The following RTN4RL1 variants were observed in gnomAD, a reference collection of about 807,000 sequenced individuals.
RTN4RL1 encodes the protein reticulon 4 receptor like 1, also known as reticulon-4 receptor-like 1.
A neutral mutation model predicts 25.6 loss-of-function variants in RTN4RL1; 7 were observed. The ratio of observed to expected loss-of-function variants is 0.27; its 90% CI spans 0.16 to 0.51. The LOEUF is 0.51. Among genes scored for constraint, RTN4RL1 ranks in the 20% least tolerant of loss-of-function variants. The pLI, the probability that RTN4RL1 is intolerant of heterozygous loss-of-function variation, is 0.97. For synonymous variants in RTN4RL1, 297 were observed against 288.2 expected, an observed-to-expected ratio of 1.03 and a Z score of -0.31; for missense variants, 500 against 615.6, an observed-to-expected ratio of 0.81 and a Z score of 1.99.
intron 1 of RTN4RL1, among the ~76,000 whole-genome samples, chr17:2,012,006 C>G (rs557472203): frequency 9.9e-5 from 15 of 152,124 alleles, no homozygotes; most frequent in Admixed American, 3.3e-4. Flanking sequence ...TTCAAAGTAA[C>G]GAGTCAATTT....
chr17:2,016,538 G>A (rs992931346), intron 1 of RTN4RL1, among the ~76,000 whole-genome samples: 4 of 152,214 alleles, frequency 2.6e-5, no homozygotes, highest in African/African-American at 7.2e-5. Flanking sequence ...TGCCAGCTCC[G>A]TTGGTCTTTC....
chr17:1,996,903 T>C (rs185465083), intron 1 of RTN4RL1, among the ~76,000 whole-genome samples: 2 of 152,334 alleles, frequency 1.3e-5, no homozygotes, highest in African/African-American at 4.8e-5. Flanking sequence ...AGGAGCAGGC[T>C]ATTCCTGGTT....
At chr17:2,023,130 T>TATCC (rs1394577555) in intron 1 of RTN4RL1, among the ~76,000 whole-genome samples, 1 of 152,148 alleles carries the variant, frequency 6.6e-6, no homozygotes, top group Non-Finnish European at 1.5e-5. Context: ...TCCTCTCCAT[T>TATCC]ATCCCTATCA....
At chr17:1,942,767 C>A (rs959940348) in intron 1 of RTN4RL1, among the ~76,000 whole-genome samples, 1 of 152,128 alleles carries the variant, frequency 6.6e-6, no homozygotes, top group Non-Finnish European at 1.5e-5. Flanking sequence ...CTACCCGGTC[C>A]GCTCAGCAGC....
intron 1 of RTN4RL1, among the ~76,000 whole-genome samples, chr17:1,961,501 G>A (rs892119037): frequency 2.0e-5 from 3 of 152,120 alleles, no homozygotes; most frequent in African/African-American, 7.2e-5. Context: ...TTTAACACAG[G>A]TCTGGGAGTT....
At chr17:1,949,123 A>T (rs1230698891) in intron 1 of RTN4RL1, among the ~76,000 whole-genome samples, 1 of 147,702 alleles carries the variant, frequency 6.8e-6, no homozygotes, top group Non-Finnish European at 1.5e-5. Context: ...CACCTGGCTA[A>T]TTTTTTTTTT....
At chr17:2,009,653 A>C (rs1451226229) in intron 1 of RTN4RL1, among the ~76,000 whole-genome samples, 1 of 125,046 alleles carries the variant, frequency 8.0e-6, no homozygotes, top group Non-Finnish European at 1.7e-5. Flanking sequence ...CTCAAACTGC[A>C]GCCTGGGCCA....
intron 1 of RTN4RL1, among the ~76,000 whole-genome samples, chr17:1,980,336 G>A (rs569574400): frequency 3.1e-4 from 47 of 149,926 alleles, no homozygotes; most frequent in Non-Finnish European, 6.2e-4. Context: ...CTCCCAAACC[G>A]CTAAGATTAC....
intron 1 of RTN4RL1, among the ~76,000 whole-genome samples, chr17:1,939,277 C>A (rs1181533146): frequency 1.3e-5 from 2 of 150,650 alleles, no homozygotes; most frequent in African/African-American, 4.9e-5. Flanking sequence ...AGCGTGAACC[C>A]GGGAGGTGGA....
Position 1,994,316 on chromosome 17 carries a change from T to A in RTN4RL1, c.13+30537A>T, listed in dbSNP as rs535665027. Reference sequence around the variant, plus strand: ...CAGGGACAGGGGGCCAGCAACTAGATGCCTTGGGGGCACAGCCATGTCTCC... The same window carrying A: ...CAGGGACAGGGGGCCAGCAACTAGAAGCCTTGGGGGCACAGCCATGTCTCC... On this transcript the variant is annotated intron_variant, in intron 1 of 1. Transcript: ENST00000331238. The surrounding 1 kb of genome is among the most constrained non-coding windows in gnomAD (Gnocchi z 4.3). 6.6e-6 allele frequency among the ~76,000 whole-genome samples: 1 copy of A among 151,428 alleles called. No individual in the cohort carries two copies. Among genetic ancestry groups the A allele is most frequent in the Admixed American group, 6.6e-5 (1 of 15,104 alleles).
intron 1 of RTN4RL1, among the ~76,000 whole-genome samples, chr17:2,000,831 C>G (rs896813609): frequency 6.6e-6 from 1 of 151,920 alleles, no homozygotes; most frequent in Non-Finnish European, 1.5e-5. Flanking sequence ...GGTTCTGGTT[C>G]TATTACCTAC....
intron 1 of RTN4RL1, among the ~76,000 whole-genome samples, chr17:1,939,352 C>CAAAA: frequency 7.1e-6 from 1 of 139,972 alleles, no homozygotes; most frequent in African/African-American, 2.7e-5. Flanking sequence ...AACTCCGTCT[C>CAAAA]AATAAATAAA....
At chr17:1,971,080 G>A (rs1168033936) in intron 1 of RTN4RL1, among the ~76,000 whole-genome samples, 1 of 152,158 alleles carries the variant, frequency 6.6e-6, no homozygotes, top group African/African-American at 2.4e-5. Context: ...TACTCAGTAT[G>A]GTTTGGCTCT....
intron 1 of RTN4RL1, among the ~76,000 whole-genome samples, chr17:1,956,615 GT>G (rs749956267): frequency 6.6e-6 from 1 of 152,056 alleles, no homozygotes; most frequent in African/African-American, 2.4e-5. Context: ...GAGTTAGATC[GT>G]TTCTCATTTT....
chr17:2,007,213 G>A (rs2067003155), intron 1 of RTN4RL1, among the ~76,000 whole-genome samples: 1 of 151,844 alleles, frequency 6.6e-6, no homozygotes, highest in Non-Finnish European at 1.5e-5. Context: ...TCATACTCCA[G>A]CCACAGTTTT....
chr17:2,003,654 G>A (rs2066973574), intron 1 of RTN4RL1: 1 of 152,380 alleles, frequency 6.6e-6, no homozygotes, highest in Admixed American at 6.5e-5. Flanking sequence ...AAATGGCAAA[G>A]CAGGAGCCCA....
intron 1 of RTN4RL1, among the ~76,000 whole-genome samples, chr17:2,002,779 A>C (rs1360588577): frequency 1.3e-5 from 2 of 152,092 alleles, no homozygotes; most frequent in Non-Finnish European, 2.9e-5. Flanking sequence ...GGCAGAGGGA[A>C]AGTCAGGTCC....
At chr17:1,944,667 G>C (rs1597487693) in intron 1 of RTN4RL1, among the ~76,000 whole-genome samples, 1 of 151,960 alleles carries the variant, frequency 6.6e-6, no homozygotes, top group African/African-American at 2.4e-5. Context: ...ATGTTGGCCA[G>C]GCTGGTCTCA....
chr17:1,949,701 C>G (rs1193422837), intron 1 of RTN4RL1, among the ~76,000 whole-genome samples: 2 of 152,200 alleles, frequency 1.3e-5, no homozygotes, highest in Non-Finnish European at 2.9e-5. Context: ...AGGCTCGGCT[C>G]CTTCCCTCCT....
Sources: gnomAD v4.1 joint callset for allele counts (sites outside exome capture counted in the v4.1 genomes callset) on GRCh38, gnomAD v4.1.1 for gene constraint, Gnocchi (gnomAD v3.1) non-coding constraint, MANE v1.5 for transcripts, NCBI Gene and HGNC (gene_info 2026-07-23, HGNC 2026-07-21) for gene names.